DDX10: variants seen among roughly 807,000 people sequenced by gnomAD.
The protein encoded by DDX10 is probable ATP-dependent RNA helicase DDX10.
A neutral mutation model predicts 104.3 loss-of-function variants in DDX10; 74 were observed. That is an observed-to-expected ratio of 0.71 (90% CI 0.59 to 0.86). The LOEUF is 0.86. Among genes scored for constraint, DDX10 ranks in the 40% least tolerant of loss-of-function variants. The pLI, the probability that DDX10 is intolerant of heterozygous loss-of-function variation, is 0.00. For missense variants in DDX10, 952 were observed against 1,040.0 expected (o/e 0.92, Z 1.16); for synonymous variants, 351 against 353.4 (o/e 0.99, Z 0.08).
chr11:108,870,777 C>A (rs571847292), intron 16 of DDX10, among the ~76,000 whole-genome samples: 1 of 152,258 alleles, frequency 6.6e-6, no homozygotes, highest in South Asian at 2.1e-4. Context: ...TTTACTGTCA[C>A]TAGAATGGGA....
At chr11:108,908,683 T>A (rs1863629000) in intron 16 of DDX10, among the ~76,000 whole-genome samples, 1 of 152,198 alleles carries the variant, frequency 6.6e-6, no homozygotes, top group Non-Finnish European at 1.5e-5. Context: ...ACATTAAATA[T>A]GTTTTTACTC....
chr11:108,858,500 A>G lies in DDX10; in HGVS notation c.2304+6291A>G, dbSNP rs114266076. On this transcript the variant is annotated intron_variant, in intron 16 of 17. Transcript: ENST00000322536. ...GGTCTAGCACCGGGGCCTGCAGAAT[A>G]CAGTGAATTTCCATTCTGCCAGACT... Among the ~76,000 whole-genome samples the G allele has an allele frequency of 1.2e-3, 181 of 152,354 alleles. 2 individuals carry two copies. Among genetic ancestry groups the G allele is most frequent in the African/African-American group, 4.2e-3 (175 of 41,590 alleles).
At chr11:108,872,462 G>T (rs1049011104) in intron 16 of DDX10, among the ~76,000 whole-genome samples, 6 of 152,162 alleles carry the variant, frequency 3.9e-5, no homozygotes, top group Non-Finnish European at 8.8e-5. Context: ...GTGTAGGGGG[G>T]TGGAAGGATG....
At chr11:108,811,906 G>C (rs892108285) in intron 13 of DDX10, among the ~76,000 whole-genome samples, 1 of 151,282 alleles carries the variant, frequency 6.6e-6, no homozygotes, top group African/African-American at 2.4e-5. Flanking sequence ...GGGGGGAAGA[G>C]AGCTGAATAA....
intron 11 of DDX10, among the ~76,000 whole-genome samples, chr11:108,717,290 C>T (rs2094292714): frequency 1.3e-5 from 2 of 152,266 alleles, no homozygotes; most frequent in South Asian, 4.1e-4. Flanking sequence ...ACTGTTATTC[C>T]TGGCAAAGAA....
chr11:108,871,204 A>T (rs542148001), intron 16 of DDX10, among the ~76,000 whole-genome samples: 88 of 152,228 alleles, frequency 5.8e-4, no homozygotes, highest in African/African-American at 2.1e-3. Context: ...TTCCATTATC[A>T]CTTAGGCTGC....
Position 108,723,063 on chromosome 11 carries a change from A to C in DDX10, c.1566A>C (p.Lys522Asn), listed in dbSNP as rs765276456. 1 of 1,613,386 alleles carries C rather than the reference A, an allele frequency of 6.2e-7. No individual in the cohort carries two copies. The highest frequency in any genetic ancestry group is 1.1e-5 in the South Asian group (1 of 90,954). ...FLQKMQKQPT[K>N]ELVRSQADKV... ...AGAAAATGCAGAAACAACCCACCAA[A>C]GAATTGGTAAGGAGCCAAGCCGATA... Residue 522 changes from lysine (K) to asparagine (N), a missense_variant, in exon 13 of 18, where the codon AAA becomes AAC. By Grantham distance (94) the Lys-to-Asn change is moderately conservative. Around this residue, in one of 3 missense-constraint regions of DDX10, gnomAD observed 533 missense variants for 534.1 expected, o/e 1.00. Transcript: ENST00000322536.
intron 15 of DDX10, among the ~76,000 whole-genome samples, chr11:108,848,663 T>A (rs1862751239): frequency 6.6e-6 from 1 of 152,152 alleles, no homozygotes; most frequent in Non-Finnish European, 1.5e-5. Context: ...GCTCTCTTTA[T>A]ATCCAGCATC....
chr11:108,896,682 A>C (rs1257065918), intron 16 of DDX10, among the ~76,000 whole-genome samples: 1 of 152,186 alleles, frequency 6.6e-6, no homozygotes, highest in Admixed American at 6.5e-5. Flanking sequence ...AGAGGAATTC[A>C]AGCCAGTTTG....
At chr11:108,708,174 G>A (rs2094279050) in intron 10 of DDX10, among the ~76,000 whole-genome samples, 1 of 149,134 alleles carries the variant, frequency 6.7e-6, no homozygotes, top group Admixed American at 6.7e-5. Flanking sequence ...CTTTATCAAG[G>A]TGAGGAAATT....
chr11:108,672,437 C>T (rs1052602397), intron 1 of DDX10, among the ~76,000 whole-genome samples: 2 of 152,168 alleles, frequency 1.3e-5, no homozygotes, highest in African/African-American at 4.8e-5. Context: ...TTGAATAAAC[C>T]GTTCTTCTAA....
At chr11:108,710,374 G>A (rs1418373115) in intron 10 of DDX10, among the ~76,000 whole-genome samples, 1 of 151,856 alleles carries the variant, frequency 6.6e-6, no homozygotes, top group Non-Finnish European at 1.5e-5. Flanking sequence ...ACATTATACA[G>A]CTACACAAAA....
intron 13 of DDX10, among the ~76,000 whole-genome samples, chr11:108,820,591 G>A (rs1055757197): frequency 6.6e-6 from 1 of 152,200 alleles, no homozygotes; most frequent in African/African-American, 2.4e-5. Flanking sequence ...AGTTGTGGAT[G>A]CCTGCAGTCA....
At chr11:108,916,932 C>T (rs565164527) in intron 16 of DDX10, among the ~76,000 whole-genome samples, 4 of 152,150 alleles carry the variant, frequency 2.6e-5, no homozygotes, top group Admixed American at 1.3e-4. Context: ...TCCATACATT[C>T]CCTCCCATGC....
intron 9 of DDX10, among the ~76,000 whole-genome samples, chr11:108,702,006 A>G (rs1406528661): frequency 6.6e-6 from 1 of 152,096 alleles, no homozygotes; most frequent in Non-Finnish European, 1.5e-5. Flanking sequence ...TTATCTGCTG[A>G]AACAGCTTCT....
chr11:108,923,024 T>G (rs1863855058), intron 17 of DDX10, among the ~76,000 whole-genome samples: 1 of 152,232 alleles, frequency 6.6e-6, no homozygotes, highest in South Asian at 2.1e-4. Context: ...CTCTTCTTTA[T>G]CCATCTTATA....
At chr11:108,675,947 C>A (rs1410394737) in intron 3 of DDX10, among the ~76,000 whole-genome samples, 2 of 152,240 alleles carry the variant, frequency 1.3e-5, no homozygotes, top group South Asian at 4.1e-4. Context: ...CAATAACTTA[C>A]TGAATGAATG....
intron 16 of DDX10, among the ~76,000 whole-genome samples, chr11:108,910,965 T>G (rs1384583903): frequency 6.6e-6 from 1 of 152,138 alleles, no homozygotes; most frequent in Non-Finnish European, 1.5e-5. Flanking sequence ...GAATGCATAA[T>G]CAGTCGGCCA....
At chr11:108,712,805 G>GT (rs1356290468) in intron 10 of DDX10, among the ~76,000 whole-genome samples, 75 of 145,612 alleles carry the variant, frequency 5.2e-4, no homozygotes, top group East Asian at 9.9e-4. Context: ...TCTCACTTAC[G>GT]TTTTTTTTTT....
Sources: allele counts gnomAD v4.1 joint callset (sites outside exome capture counted in the v4.1 genomes callset), GRCh38; gene constraint gnomAD v4.1.1; regional missense constraint gnomAD v4.1.1; transcripts MANE v1.5; gene names NCBI Gene and HGNC (gene_info 2026-07-23, HGNC 2026-07-21).